The following QSOX1 variants were observed in gnomAD, a reference collection of about 807,000 sequenced individuals.
QSOX1 encodes the protein quiescin sulfhydryl oxidase 1.
QSOX1 carries 40 observed loss-of-function variants against 76.1 expected under a neutral mutation model. The ratio of observed to expected loss-of-function variants is 0.53; its 90% confidence interval spans 0.41 to 0.68. The LOEUF (loss-of-function observed/expected upper bound fraction) is 0.68, where lower values mean the gene tolerates loss of function less well. QSOX1 is among the 30% of genes least tolerant of loss of function. QSOX1 has a pLI of 0.00. For missense variants in QSOX1, 931 were observed against 974.3 expected, an observed-to-expected ratio of 0.96 and a Z score of 0.59; for synonymous variants, 392 against 413.1, an observed-to-expected ratio of 0.95 and a Z score of 0.62.
chr1:180,155,008 C>T lies in QSOX1; in HGVS notation c.101C>T (p.Ala34Val). 1.3e-6 allele frequency: 2 copies of T among 1,511,370 alleles called. No homozygotes were observed. Among genetic ancestry groups the T allele is most frequent in the Non-Finnish European group, 1.8e-6 (2 of 1,137,324 alleles). 93.6% of individuals were successfully genotyped at this position (1,511,370 alleles called of 1,614,324 possible). Residue 34 changes from alanine to valine, a missense_variant, in exon 1 of 12, where the codon GCG (alanine) becomes GTG (valine). Coordinates refer to ENST00000367602, the MANE Select transcript of QSOX1 (RefSeq NM_002826.5). The part of the protein sequence containing the change: ...VPGANAAPRS[A>V]LYSPSDPLTL... ...GGCGCTAACGCGGCCCCGCGGTCGG[C>T]GCTCTATTCGCCTTCCGACCCGCTG...
intron 4 of QSOX1, among the ~76,000 whole-genome samples, chr1:180,176,478 G>T (rs140608855): frequency 7.2e-5 from 11 of 152,314 alleles, no homozygotes; most frequent in Non-Finnish European, 7.3e-5. Context: ...AGGGAAATTG[G>T]GGGGAGGTGG....
intron 1 of QSOX1, among the ~76,000 whole-genome samples, chr1:180,155,842 C>T (rs561488134): frequency 6.6e-6 from 1 of 152,132 alleles, no homozygotes; most frequent in East Asian, 1.9e-4. Flanking sequence ...CCGCTCAGAC[C>T]CTTATATTTT....
At chr1:180,176,094 G>A in intron 4 of QSOX1, 61 bp downstream of exon 4, 1 of 1,382,908 alleles carries the variant, frequency 7.2e-7, no homozygotes, top group South Asian at 1.2e-5. Context: ...CTGGGAGTGA[G>A]AGGGTGGTGG....
chr1:180,184,115 A>G, intron 7 of QSOX1, 65 bp downstream of exon 7: 1 of 1,555,374 alleles, frequency 6.4e-7, no homozygotes. Flanking sequence ...CCACACCTTC[A>G]CACCCACGCC....
In QSOX1 at chr1:180,154,881, C is replaced by T; in HGVS notation, c.-27C>T. 3 of 1,378,834 alleles carry T rather than the reference C, an allele frequency of 2.2e-6. No individual in the cohort carries two copies. Among genetic ancestry groups the T allele is most frequent in the African/African-American group, 3.0e-5 (2 of 65,724 alleles). The allele number at this position is 1,378,834 out of a possible 1,614,324, so 85.4% of individuals were successfully genotyped here. A position where few individuals can be genotyped will look rare whatever the true frequency, so the allele number is the denominator to read the frequency against. On this transcript the variant is annotated 5_prime_UTR_variant, in exon 1 of 12. Coordinates refer to ENST00000367602, the MANE Select transcript of QSOX1 (RefSeq NM_002826.5). ...CGGGACCCGACTCATCCGGTGCTTGCGTGTGGTGGTGAGCGCAGCGCCGAG... is the reference window on the plus strand; with the variant it reads ...CGGGACCCGACTCATCCGGTGCTTGTGTGTGGTGGTGAGCGCAGCGCCGAG...
At chr1:180,155,360 G>A (rs573046394) in intron 1 of QSOX1, among the ~76,000 whole-genome samples, 188 bp downstream of exon 1, 12 of 152,164 alleles carry the variant, frequency 7.9e-5, no homozygotes, top group African/African-American at 2.9e-4. Context: ...CCGCTCCCTT[G>A]CCTTTTCCTC....
intron 11 of QSOX1, among the ~76,000 whole-genome samples, chr1:180,194,829 C>T (rs957838589): frequency 1.8e-4 from 28 of 152,202 alleles, no homozygotes; most frequent in Admixed American, 1.4e-3. Flanking sequence ...GAGCCTTGCC[C>T]TCTGCGTTCC....
intron 1 of QSOX1, among the ~76,000 whole-genome samples, chr1:180,163,957 A>T (rs1334731130): frequency 6.6e-6 from 1 of 152,138 alleles, no homozygotes; most frequent in Non-Finnish European, 1.5e-5. Flanking sequence ...TGGGACACGG[A>T]GGGTAGGTTG....
rs1461973983 is a variant in QSOX1, at chr1:180,155,149, A to G, written c.242A>G (p.Lys81Arg). 7 of 1,519,618 alleles carry G rather than the reference A, an allele frequency of 4.6e-6. No individual in the cohort carries two copies. The highest frequency in any genetic ancestry group is 6.2e-6 in the Non-Finnish European group (7 of 1,138,018). 94.1% of individuals were successfully genotyped at this position (1,519,618 alleles called of 1,614,324 possible). ...TGCATCGCCTTCGCCCCGACGTGGAAGGCGCTGGCCGAAGACGTCAAAGGT... is the reference window on the plus strand; with the variant it reads ...TGCATCGCCTTCGCCCCGACGTGGAGGGCGCTGGCCGAAGACGTCAAAGGT... The part of the protein sequence containing the change: ...GHCIAFAPTW[K>R]ALAEDVKAWR... Residue 81 changes from lysine to arginine, a missense_variant, in exon 1 of 12, where the codon AAG becomes AGG. Lys to Arg is a conservative substitution (Grantham distance 26). Transcript: ENST00000367602.
chr1:180,193,350 T>C (rs770982726), intron 10 of QSOX1, among the ~76,000 whole-genome samples: 3 of 151,414 alleles, frequency 2.0e-5, no homozygotes, highest in Non-Finnish European at 4.4e-5. Context: ...GCACCTGTGC[T>C]GGGTGCAGAA....
At position 180,196,987 on chromosome 1, in the gene QSOX1, C is replaced by A; in HGVS notation, c.2194C>A (p.Gln732Lys). The change falls in exon 12 of 12, where the codon CAG becomes AAG. Residue 732 changes from glutamine (Q) to lysine (K), a missense_variant. By Grantham distance (53) the Gln-to-Lys change is moderately conservative. Transcript: ENST00000367602. This position sits in a 1 kb window ranked among gnomAD's most constrained non-coding sequence, Gnocchi z 4.1. ...CCTGCTGGCCATGTACACCTACTTC[C>A]AGGCCAAGATAAGGGCCCTGAAGGG... ...MGLLAMYTYF[Q>K]AKIRALKGHA... 6.2e-7 allele frequency: 1 copy of A among 1,612,602 alleles called. No individual in the cohort carries two copies. The highest frequency in any genetic ancestry group is 1.1e-5 in the South Asian group (1 of 90,914).
chr1:180,182,367 ATCCT>A (rs763894529), intron 6 of QSOX1, 48 bp downstream of exon 6: 3 of 1,606,712 alleles, frequency 1.9e-6, no homozygotes, highest in South Asian at 1.1e-5. Context: ...CCCTGTGCTC[ATCCT>A]TCCTTCTTGC....
chr1:180,156,736 T>C (rs1353242726), intron 1 of QSOX1, among the ~76,000 whole-genome samples: 1 of 152,124 alleles, frequency 6.6e-6, no homozygotes, highest in Non-Finnish European at 1.5e-5. Context: ...ACACATTTGG[T>C]CAGGGGAGGA....
intron 4 of QSOX1, among the ~76,000 whole-genome samples, chr1:180,177,311 C>T (rs1272799258): frequency 6.7e-6 from 1 of 148,354 alleles, no homozygotes; most frequent in African/African-American, 2.5e-5. Context: ...GGGAGTGCAG[C>T]GGCACGATCT....
chr1:180,189,519 C>T (rs1363823658), intron 8 of QSOX1, 33 bp from the exon 9 acceptor site: 16 of 1,383,286 alleles, frequency 1.2e-5, no homozygotes, highest in Non-Finnish European at 1.5e-5. Context: ...AATTGCTTTT[C>T]ACTCTCCAGC....
intron 9 of QSOX1, 100 bp downstream of exon 9, chr1:180,189,774 C>G: frequency 7.2e-7 from 1 of 1,380,368 alleles, no homozygotes; most frequent in Non-Finnish European, 9.8e-7. Context: ...CAGTTTGCAC[C>G]AGGGAGTCAG....
chr1:180,175,880 G>A (rs1182635930), intron 3 of QSOX1, 51 bp from the exon 4 acceptor site: 1 of 1,435,084 alleles, frequency 7.0e-7, no homozygotes, highest in African/African-American at 1.4e-5. Context: ...GTGTGCTGTG[G>A]AAGCAGCTCT....
At chr1:180,192,072 C>T (rs1663334285) in intron 10 of QSOX1, among the ~76,000 whole-genome samples, 1 of 152,148 alleles carries the variant, frequency 6.6e-6, no homozygotes, top group African/African-American at 2.4e-5. Context: ...ACCTTCATTA[C>T]CTCTTTAAAG....
chr1:180,188,826 C>G (rs1274961309), intron 8 of QSOX1, among the ~76,000 whole-genome samples: 2 of 152,252 alleles, frequency 1.3e-5, no homozygotes, highest in Admixed American at 6.5e-5. Flanking sequence ...TGCTGTGTCC[C>G]TCTTTCTCCT....
Sources: allele counts gnomAD v4.1 joint callset (sites outside exome capture counted in the v4.1 genomes callset), GRCh38; gene constraint gnomAD v4.1.1; non-coding constraint Gnocchi (gnomAD v3.1); transcripts MANE v1.5; gene names NCBI Gene and HGNC (gene_info 2026-07-23, HGNC 2026-07-21).